Variants in SORL1 observed in about 807,000 individuals in gnomAD.
SORL1 encodes the protein sortilin related receptor 1, also known as sortilin-related receptor.
Under a neutral mutation model 273.7 loss-of-function variants are expected in SORL1, and 127 were observed. The ratio of observed to expected loss-of-function variants is 0.46; its 90% CI spans 0.40 to 0.54. The LOEUF is 0.54. Ranked by LOEUF, SORL1 falls within the 20% of genes least tolerant of loss-of-function variation. The probability of loss-of-function intolerance (pLI) is 0.00; values close to 1 mark genes in which losing one functional copy is unlikely to be tolerated. For missense variants in SORL1, 2,494 were observed against 2,846.1 expected, an observed-to-expected ratio of 0.88 and a Z score of 2.81; for synonymous variants, 1,031 against 1,067.4, an observed-to-expected ratio of 0.97 and a Z score of 0.66.
chr11:121,596,662 C>A lies in SORL1; in HGVS notation c.4519+890C>A, dbSNP rs969919986. ...AGCAGACGTCCTAGCCAGTCACACT[C>A]CCTTCCTTGCCAGGATAAGGGCTTC... is the stretch of plus-strand genomic sequence containing the variant. On this transcript the variant is annotated intron_variant, in intron 32 of 47. Coordinates refer to ENST00000260197, the MANE Select transcript of SORL1 (RefSeq NM_003105.6). This position sits in a 1 kb window ranked among gnomAD's most constrained non-coding sequence, Gnocchi z 4.3. Among the ~76,000 whole-genome samples, 3 of 152,170 alleles carry A rather than the reference C, an allele frequency of 2.0e-5. No individual in the cohort carries two copies. Among genetic ancestry groups the A allele is most frequent in the African/African-American group, 7.2e-5 (3 of 41,434 alleles).
At position 121,470,165 on chromosome 11, in the gene SORL1, A is replaced by G. The variant is rs767989786; in HGVS notation, c.402+42A>G. 25 of 1,309,548 alleles carry G rather than the reference A, an allele frequency of 1.9e-5. No homozygotes were observed. The African/African-American group carries it at 2.3e-4, about 12-fold the overall frequency. The allele number at this position is 1,309,548 out of a possible 1,614,324, so 81.1% of individuals were successfully genotyped here. A position where few individuals can be genotyped will look rare whatever the true frequency, so the allele number is the denominator to read the frequency against. ...CTCTGGGCACACCTTGGTGCCATCA[A>G]CATGCCCTTTTCTGGTCCACTGGGA... is the stretch of plus-strand genomic sequence containing the variant. On this transcript the variant is annotated intron_variant, in intron 2 of 47. Coordinates refer to ENST00000260197, the MANE Select transcript of SORL1 (RefSeq NM_003105.6).
intron 5 of SORL1, among the ~76,000 whole-genome samples, chr11:121,494,366 C>T (rs1364950978): frequency 6.6e-6 from 1 of 152,116 alleles, no homozygotes; most frequent in East Asian, 1.9e-4. Context: ...ATTTGTTCAA[C>T]AATGCTTGGC....
Position 121,555,269 on chromosome 11 carries a change from C to T in SORL1, c.2522C>T (p.Pro841Leu). ...ACAGTAGAAGCTTTGGCTTTTGAAC[C>T]CCTCAGCCAGCTGCTTTACTGGGTA... ...LETVEALAFEPLSQLLYWVDA... is the reference protein window; with the variant it reads ...LETVEALAFELLSQLLYWVDA... The change falls in exon 18 of 48, where the codon CCC (proline) becomes CTC (leucine). Residue 841 changes from proline (P) to leucine (L), a missense_variant. By Grantham distance (98) the Pro-to-Leu change is moderately conservative. This residue lies in a region of SORL1 where 1,609 missense variants were observed against 1,816.4 expected (regional missense o/e 0.89). Transcript: ENST00000260197. 1 of 1,614,060 alleles carries T rather than the reference C, an allele frequency of 6.2e-7. No individual in the cohort carries two copies. Among genetic ancestry groups the T allele is most frequent in the Non-Finnish European group, 8.5e-7 (1 of 1,179,942 alleles).
intron 18 of SORL1, 190 bp from the exon 19 acceptor site, chr11:121,557,124 A>T: frequency 1.7e-6 from 1 of 596,668 alleles, no homozygotes; most frequent in Admixed American, 2.8e-5. Flanking sequence ...AAATTGTCCC[A>T]TGAGTCAGAG....
At position 121,478,170 on chromosome 11, in the gene SORL1, T is replaced by TA. The variant is rs1165625867; in HGVS notation, c.458dup (p.Asn153LysfsTer7). On this transcript the variant is annotated frameshift_variant, in exon 3 of 48. Transcript: ENST00000260197. LOFTEE classifies it high-confidence loss of function. ...TCATTCAAGAAAATTTCAGACAAGTTAAACTTTGGCTTGGGAAATAGGAGT... is the reference window on the plus strand; with the variant it reads ...TCATTCAAGAAAATTTCAGACAAGTTAAAACTTTGGCTTGGGAAATAGGAGT... 6.2e-7 allele frequency: 1 copy of TA among 1,614,160 alleles called. No homozygotes were observed. The highest frequency in any genetic ancestry group is 1.1e-5 in the South Asian group (1 of 91,088).
At chr11:121,565,370 T>C (rs1862740445) in intron 21 of SORL1, among the ~76,000 whole-genome samples, 1 of 152,234 alleles carries the variant, frequency 6.6e-6, no homozygotes, top group African/African-American at 2.4e-5. Context: ...AGCATTGTGA[T>C]TTTTATTTTT....
intron 27 of SORL1, among the ~76,000 whole-genome samples, chr11:121,587,414 C>T (rs890153367): frequency 6.6e-6 from 1 of 152,200 alleles, no homozygotes; most frequent in Non-Finnish European, 1.5e-5. Context: ...GCTGTGTCCT[C>T]ACATGGCCCT....
At chr11:121,512,492 A>G (rs1861895000) in intron 6 of SORL1, among the ~76,000 whole-genome samples, 1 of 152,242 alleles carries the variant, frequency 6.6e-6, no homozygotes, top group African/African-American at 2.4e-5. Flanking sequence ...ACCAGAATCA[A>G]TGAAGATTCT....
intron 41 of SORL1, among the ~76,000 whole-genome samples, chr11:121,616,664 GATCACCCC>G: frequency 6.6e-6 from 1 of 152,334 alleles, no homozygotes; most frequent in South Asian, 2.1e-4. Flanking sequence ...CCTCCCAGGC[GATCACCCC>G]CTTCGGGGCT....
chr11:121,538,522 C>T (rs955427437), intron 12 of SORL1, among the ~76,000 whole-genome samples: 4 of 152,086 alleles, frequency 2.6e-5, no homozygotes, highest in African/African-American at 9.7e-5. Flanking sequence ...ACTAAAATAC[C>T]TGAGATCCTT....
intron 6 of SORL1, among the ~76,000 whole-genome samples, chr11:121,507,850 A>AT (rs1014377440): frequency 1.7e-4 from 26 of 150,628 alleles, no homozygotes; most frequent in African/African-American, 5.4e-4. Flanking sequence ...TTGTCCTGTG[A>AT]TTTTTTTTGT....
intron 35 of SORL1, among the ~76,000 whole-genome samples, chr11:121,605,885 G>A (rs182289971): frequency 2.4e-4 from 37 of 152,140 alleles, no homozygotes; most frequent in Admixed American, 2.1e-3. Context: ...GGAGGTCATC[G>A]TCATTAAAAT....
intron 13 of SORL1, among the ~76,000 whole-genome samples, chr11:121,544,738 G>A (rs559045407): frequency 6.6e-6 from 1 of 152,276 alleles, no homozygotes; most frequent in South Asian, 2.1e-4. Flanking sequence ...TGGAGTGATG[G>A]TGCAAGGTAT....
chr11:121,625,291 G>T lies in SORL1; in HGVS notation c.6364+14G>T. The stretch of plus-strand genomic sequence containing the variant: ...AGCTGGGGTCTGGTGAGTTGCGATT[G>T]CTGCCCGTTTCTGTCTTCAGTTCTA... On this transcript the variant is annotated intron_variant, in intron 46 of 47. Coordinates refer to ENST00000260197, the MANE Select transcript of SORL1 (RefSeq NM_003105.6). 6.3e-7 allele frequency: 1 copy of T among 1,596,894 alleles called. No homozygotes were observed. The highest frequency in any genetic ancestry group is 8.6e-7 in the Non-Finnish European group (1 of 1,169,418).
intron 31 of SORL1, among the ~76,000 whole-genome samples, chr11:121,594,781 C>T (rs1339916621): frequency 6.6e-6 from 1 of 152,054 alleles, no homozygotes; most frequent in Non-Finnish European, 1.5e-5. Flanking sequence ...AGGCTGGGGA[C>T]TAAAGTGCTG....
chr11:121,470,890 C>T (rs550197019), intron 2 of SORL1, among the ~76,000 whole-genome samples: 4 of 152,176 alleles, frequency 2.6e-5, no homozygotes, highest in African/African-American at 7.2e-5. Context: ...GGTTTTGCCA[C>T]GTTGCCTAGG....
intron 41 of SORL1, among the ~76,000 whole-genome samples, chr11:121,616,403 C>A (rs1281048126): frequency 6.6e-6 from 1 of 152,212 alleles, no homozygotes; most frequent in Non-Finnish European, 1.5e-5. Flanking sequence ...ATTTTCCTGT[C>A]TACTGTGAGA....
rs569845636 is a variant in SORL1, at chr11:121,600,404, A to G, written c.4520-3789A>G. ...ACAGTTCTACACTTACATTAAAGGA[A>G]TGAACAAAGTAGACTCCTAGAGTGT... On this transcript the variant is annotated intron_variant, in intron 32 of 47. Coordinates refer to ENST00000260197, the MANE Select transcript of SORL1 (RefSeq NM_003105.6). Among the ~76,000 whole-genome samples the G allele has an allele frequency of 2.6e-5, 4 of 152,348 alleles. No individual in the cohort carries two copies. In the South Asian group the frequency reaches 8.3e-4, roughly 32 times the overall value.
chr11:121,576,488 G>A (rs1862933507), intron 24 of SORL1, among the ~76,000 whole-genome samples: 1 of 152,144 alleles, frequency 6.6e-6, no homozygotes, highest in African/African-American at 2.4e-5. Context: ...ATATCACATT[G>A]GTGATTAAGT....
Sources: allele counts gnomAD v4.1 joint callset (sites outside exome capture counted in the v4.1 genomes callset), GRCh38; gene constraint gnomAD v4.1.1; regional missense constraint gnomAD v4.1.1; non-coding constraint Gnocchi (gnomAD v3.1); transcripts MANE v1.5; gene names NCBI Gene and HGNC (gene_info 2026-07-23, HGNC 2026-07-21).